Variants in MYO3A observed in about 807,000 individuals in gnomAD.
The protein encoded by MYO3A is myosin IIIA.
In MYO3A, 180 loss-of-function variants were observed where a neutral mutation model predicts 192.7. That is an observed-to-expected ratio of 0.93 (90% CI 0.83 to 1.06). The LOEUF (loss-of-function observed/expected upper bound fraction) is 1.06, where lower values mean the gene tolerates loss of function less well. Ranked by LOEUF, MYO3A falls within the 50% of genes least tolerant of loss-of-function variation. The pLI is 0.00. For missense variants in MYO3A, 1,896 were observed against 1,905.0 expected (o/e 1.00, Z 0.09); for synonymous variants, 628 against 645.3 (o/e 0.97, Z 0.41).
intron 14 of MYO3A, among the ~76,000 whole-genome samples, chr10:26,083,654 T>C (rs1348885087): frequency 6.6e-6 from 1 of 152,248 alleles, no homozygotes. Flanking sequence ...TATATTATGC[T>C]GAGGAACTTT....
chr10:25,952,455 A>G (rs1469145920), intron 3 of MYO3A, among the ~76,000 whole-genome samples, 177 bp downstream of exon 3: 4 of 152,318 alleles, frequency 2.6e-5, no homozygotes, highest in East Asian at 1.9e-4. Context: ...TGTGCTTAGT[A>G]TATGTAATAA....
rs115781816 is a variant in MYO3A, at chr10:26,124,540, C to T, written c.1904-858C>T. 2.1e-3 allele frequency among the ~76,000 whole-genome samples: 320 copies of T among 152,168 alleles called. 2 individuals are homozygous for T. Among genetic ancestry groups the T allele is most frequent in the African/African-American group, 7.3e-3 (304 of 41,532 alleles). ...CTGCAATGAGCCTATCGTACTTCCA[C>T]GATATGAAAAAATATAGGGTTTAAC... is the stretch of plus-strand genomic sequence containing the variant. On this transcript the variant is annotated intron_variant, in intron 18 of 34. Coordinates refer to ENST00000642920, the MANE Select transcript of MYO3A (RefSeq NM_017433.5).
intron 4 of MYO3A, among the ~76,000 whole-genome samples, chr10:25,965,578 C>A (rs913881439): frequency 6.6e-6 from 1 of 152,074 alleles, no homozygotes; most frequent in Non-Finnish European, 1.5e-5. Flanking sequence ...CCCGAGTCCA[C>A]TGTCTCTGGG....
Position 26,070,406 on chromosome 10 carries a change from A to G in MYO3A, c.1359+5A>G. 1 of 1,610,326 alleles carries G rather than the reference A, an allele frequency of 6.2e-7. No individual in the cohort carries two copies. Among genetic ancestry groups the G allele is most frequent in the East Asian group, 2.2e-5 (1 of 44,764 alleles). On this transcript the variant is annotated splice_donor_5th_base_variant and intron_variant, in intron 14 of 34. Transcript: ENST00000642920. ...CAGCTGACAGTGCTTGGAAAGGTAT[A>G]ATTTATTTTTTTCTCTGTCCCATCA...
chr10:26,178,473 A>T (rs1045560792), intron 31 of MYO3A, among the ~76,000 whole-genome samples: 1 of 151,866 alleles, frequency 6.6e-6, no homozygotes, highest in South Asian at 2.1e-4. Context: ...GAATTACTTG[A>T]ACCTGGGAGG....
At chr10:26,197,394 T>C (rs1386566686) in intron 32 of MYO3A, among the ~76,000 whole-genome samples, 1 of 152,152 alleles carries the variant, frequency 6.6e-6, no homozygotes, top group Non-Finnish European at 1.5e-5. Context: ...GAAGGGTTAG[T>C]TTCTATGTTT....
chr10:26,052,125 A>G (rs566266741), intron 10 of MYO3A, among the ~76,000 whole-genome samples: 2 of 152,304 alleles, frequency 1.3e-5, no homozygotes, highest in African/African-American at 4.8e-5. Flanking sequence ...AAAAGTAGGG[A>G]CACTGCTCTT....
At chr10:26,133,478 G>A (rs11819592) in intron 20 of MYO3A, among the ~76,000 whole-genome samples, 47,618 of 152,126 alleles carry the variant, frequency 0.31, 7,726 homozygotes, top group Middle Eastern at 0.44. Context: ...CTAGGCAGCT[G>A]CGTAGCACAC....
intron 4 of MYO3A, among the ~76,000 whole-genome samples, chr10:25,995,421 G>A (rs921210203): frequency 1.3e-5 from 2 of 152,164 alleles, no homozygotes; most frequent in East Asian, 3.9e-4. Context: ...CTTTTTTCAA[G>A]GTTTTTAACT....
rs751164801 is a variant in MYO3A at position 26,174,480 on chromosome 10, A to C, written c.4216A>C (p.Ile1406Leu). The C allele has an allele frequency of 6.2e-7, 1 of 1,614,188 alleles. No individual in the cohort carries two copies. The highest frequency in any genetic ancestry group is 1.1e-5 in the South Asian group (1 of 91,056). Residue 1406 changes from isoleucine (I) to leucine (L), a missense_variant, in exon 30 of 35, where the codon ATC becomes CTC. Coordinates refer to ENST00000642920, the MANE Select transcript of MYO3A (RefSeq NM_017433.5). ...CACAAAACATGAGGAAATCAATAAC[A>C]TCAAGAAGAAGGATAACAAAGACTC... ...YPTKHEEINN[I>L]KKKDNKDSKA...
chr10:26,029,165 T>C (rs1042039056), intron 10 of MYO3A, among the ~76,000 whole-genome samples: 37 of 152,320 alleles, frequency 2.4e-4, no homozygotes, highest in African/African-American at 8.9e-4. Flanking sequence ...TAGATTCTCA[T>C]GCTTGTGCTG....
intron 2 of MYO3A, among the ~76,000 whole-genome samples, chr10:25,936,375 A>T (rs1381802352): frequency 6.6e-6 from 1 of 152,174 alleles, no homozygotes; most frequent in Non-Finnish European, 1.5e-5. Flanking sequence ...TAGTTCTTTT[A>T]TATAAATCAT....
chr10:26,069,901 G>A (rs1835089520), intron 12 of MYO3A, among the ~76,000 whole-genome samples: 1 of 151,782 alleles, frequency 6.6e-6, no homozygotes. Context: ...CATATTTCTG[G>A]GCTGTTTTGT....
chr10:26,202,109 T>C (rs1384884217), intron 33 of MYO3A, among the ~76,000 whole-genome samples: 3 of 152,212 alleles, frequency 2.0e-5, no homozygotes, highest in Non-Finnish European at 2.9e-5. Flanking sequence ...CCCACTGATA[T>C]TTTACTCTTT....
chr10:26,124,764 C>A (rs1159497532), intron 18 of MYO3A, among the ~76,000 whole-genome samples: 1 of 151,912 alleles, frequency 6.6e-6, no homozygotes, highest in African/African-American at 2.4e-5. Flanking sequence ...TTTAAATTCC[C>A]CATGAAATGT....
At chr10:26,036,837 C>CA (rs1296753837) in intron 10 of MYO3A, among the ~76,000 whole-genome samples, 3 of 152,326 alleles carry the variant, frequency 2.0e-5, no homozygotes, top group African/African-American at 7.2e-5. Context: ...CTTGAAATCT[C>CA]ACCCACCTTC....
At chr10:26,083,874 C>T (rs1836135427) in intron 14 of MYO3A, among the ~76,000 whole-genome samples, 1 of 152,102 alleles carries the variant, frequency 6.6e-6, no homozygotes, top group African/African-American at 2.4e-5. Flanking sequence ...TTGTAGGTAG[C>T]TCCTGTATTC....
intron 2 of MYO3A, among the ~76,000 whole-genome samples, chr10:25,948,664 G>A (rs776279734): frequency 6.6e-6 from 1 of 152,118 alleles, no homozygotes; most frequent in Non-Finnish European, 1.5e-5. Flanking sequence ...TTTACTAGCT[G>A]TGACATTCTA....
rs1842185426 is a variant in MYO3A, at chr10:26,174,013, G to A, written c.3749G>A (p.Cys1250Tyr). Residue 1250 changes from cysteine to tyrosine, a missense_variant, in exon 30 of 35, where the codon TGT (cysteine) becomes TAT (tyrosine). Transcript: ENST00000642920. ...YYQRYTEERNCEESKAAYLER... is the reference protein window; with the variant it reads ...YYQRYTEERNYEESKAAYLER... ...CAGAGGTACACAGAGGAGAGGAATT[G>A]TGAAGAGTCAAAAGCAGCATATCTA... The A allele has an allele frequency of 6.2e-7, 1 of 1,611,836 alleles. No homozygotes were observed. The highest frequency in any genetic ancestry group is 1.7e-5 in the Admixed American group (1 of 59,450).
Sources: gnomAD v4.1 joint callset for allele counts (sites outside exome capture counted in the v4.1 genomes callset) on GRCh38, gnomAD v4.1.1 for gene constraint, MANE v1.5 for transcripts, NCBI Gene and HGNC (gene_info 2026-07-23, HGNC 2026-07-21) for gene names.